Variants in BORCS8 observed in about 807,000 individuals in gnomAD.
BORCS8 encodes the protein BLOC-1 related complex subunit 8.
Under a neutral mutation model 18.7 loss-of-function variants are expected in BORCS8, and 13 were observed. The observed-to-expected ratio is 0.70, with a 90% CI of 0.45 to 1.11. The LOEUF (loss-of-function observed/expected upper bound fraction) is 1.11. Among genes scored for constraint, BORCS8 ranks in the 50% least tolerant of loss-of-function variants. The pLI is 0.00. For synonymous variants in BORCS8, 68 were observed against 64.8 expected, an observed-to-expected ratio of 1.05 and a Z score of -0.24; for missense variants, 165 against 165.7, an observed-to-expected ratio of 1.00 and a Z score of 0.02.
At chr19:19,179,710 C>T (rs995298756) in intron 5 of BORCS8, 2 of 152,754 alleles carry the variant, frequency 1.3e-5, no homozygotes, top group Non-Finnish European at 2.9e-5. Flanking sequence ...CAGATCTTTC[C>T]TGGCACCACA....
chr19:19,192,147 G>T lies in BORCS8; in HGVS notation c.-30C>A, dbSNP rs371371937. ...ACCGCGGCCGAGCGAACCGGGAAAC[G>T]GCACCGGAAGCCCGGAGGTTGGGAC... is the stretch of plus-strand genomic sequence containing the variant. On this transcript the variant is annotated 5_prime_UTR_variant, in exon 1 of 6. Coordinates refer to ENST00000462790, the MANE Select transcript of BORCS8 (RefSeq NM_001145784.2). 1.3e-5 allele frequency: 20 copies of T among 1,550,752 alleles called. No individual in the cohort carries two copies. The South Asian group carries it at 2.1e-4, about 17-fold the overall frequency.
intron 3 of BORCS8, 110 bp downstream of exon 3, chr19:19,185,924 T>C (rs2060403491): frequency 8.9e-7 from 1 of 1,118,024 alleles, no homozygotes; most frequent in African/African-American, 1.5e-5. Context: ...CCCACTCGGG[T>C]AGGCCTGGCA....
At chr19:19,189,653 C>T (rs1303725618) in intron 1 of BORCS8, among the ~76,000 whole-genome samples, 2 of 152,142 alleles carry the variant, frequency 1.3e-5, no homozygotes, top group African/African-American at 4.8e-5. Context: ...ACGCCGGGTG[C>T]GGTGGCTCAC....
chr19:19,181,873 G>A (rs1436565330), intron 4 of BORCS8: 2 of 985,468 alleles, frequency 2.0e-6, no homozygotes, highest in East Asian at 2.3e-4. Context: ...CCTGGCACAT[G>A]AGTGTGTGTT....
intron 2 of BORCS8, among the ~76,000 whole-genome samples, chr19:19,186,361 A>G (rs2060408821): frequency 6.6e-6 from 1 of 152,210 alleles, no homozygotes; most frequent in African/African-American, 2.4e-5. Flanking sequence ...CATGCAGGTC[A>G]TAACTGTAAC....
intron 1 of BORCS8, among the ~76,000 whole-genome samples, chr19:19,191,122 G>A (rs1003881471): frequency 2.6e-5 from 4 of 152,062 alleles, no homozygotes; most frequent in Non-Finnish European, 5.9e-5. Flanking sequence ...GGAGGCCAAG[G>A]TGGGTGGATC....
chr19:19,189,687 A>T (rs536145857), intron 1 of BORCS8, among the ~76,000 whole-genome samples: 6 of 152,262 alleles, frequency 3.9e-5, no homozygotes, highest in African/African-American at 1.2e-4. Flanking sequence ...GCACTTTGGC[A>T]GGAGGATGGA....
intron 3 of BORCS8, among the ~76,000 whole-genome samples, chr19:19,185,679 C>G (rs1208454212): frequency 3.9e-5 from 6 of 152,192 alleles, no homozygotes; most frequent in African/African-American, 7.2e-5. Flanking sequence ...GAGTAAGATT[C>G]TGTCTCAAAA....
chr19:19,180,669 C>A lies in BORCS8; in HGVS notation c.*42+17G>T, dbSNP rs999398082. On this transcript the variant is annotated intron_variant, in intron 5 of 5. Coordinates refer to ENST00000462790, the MANE Select transcript of BORCS8 (RefSeq NM_001145784.2). ...TCAGAGCAGAGAGAGAGGCTCGTGG[C>A]TACCCTCGGCACTGACCTGGGTTGG... is the stretch of plus-strand genomic sequence containing the variant. 7 of 1,509,172 alleles carry A rather than the reference C, an allele frequency of 4.6e-6. No individual in the cohort carries two copies. Among genetic ancestry groups the A allele is most frequent in the South Asian group, 1.2e-5 (1 of 83,220 alleles). 93.5% of individuals were successfully genotyped at this position (1,509,172 alleles called of 1,614,324 possible).
rs181695674 is a variant in BORCS8 at position 19,185,329 on chromosome 19, A to G, written c.215+705T>C. Among the ~76,000 whole-genome samples, 216 of 152,338 alleles carry G rather than the reference A, an allele frequency of 1.4e-3. 1 individual carries two copies. The highest frequency in any genetic ancestry group is 5.1e-3 in the African/African-American group (210 of 41,584). ...CTGGGCAACCCGAGGCAACCGGAAT[A>G]AGGCTTGGGAATACAGTCACGAGGA... On this transcript the variant is annotated intron_variant, in intron 3 of 5. Transcript: ENST00000462790.
intron 1 of BORCS8, among the ~76,000 whole-genome samples, chr19:19,189,454 A>G (rs1719177273): frequency 6.6e-6 from 1 of 152,124 alleles, no homozygotes; most frequent in African/African-American, 2.4e-5. Flanking sequence ...AAACTCTTCC[A>G]TAGCTCCCAC....
At chr19:19,179,628 G>A (rs10854010) in intron 5 of BORCS8, 21,952 of 152,582 alleles carry the variant, frequency 0.14, 1,777 homozygotes, top group East Asian at 0.37. Flanking sequence ...AATAGGCAGG[G>A]GCTCGGTAAG....
In BORCS8 at chr19:19,182,159, C is replaced by A; in HGVS notation, c.326+414G>T. On this transcript the variant is annotated intron_variant, in intron 4 of 5. Coordinates refer to ENST00000462790, the MANE Select transcript of BORCS8 (RefSeq NM_001145784.2). This position sits in a 1 kb window ranked among gnomAD's most constrained non-coding sequence, Gnocchi z 4.1. ...GGATCCCAGCCCCAGAGCGTCTGCC[C>A]TCACCACTGCCCCACATGGAACTCC... The A allele has an allele frequency of 1.8e-6, 1 of 555,072 alleles. No individual in the cohort carries two copies. Among genetic ancestry groups the A allele is most frequent in the Non-Finnish European group, 2.3e-6 (1 of 434,196 alleles). The allele number at this position is 555,072 out of a possible 1,614,324, so 34.4% of individuals were successfully genotyped here. A position where few individuals can be genotyped will look rare whatever the true frequency, so the allele number is the denominator to read the frequency against.
intron 1 of BORCS8, among the ~76,000 whole-genome samples, chr19:19,189,902 G>A (rs1287840586): frequency 6.6e-6 from 1 of 150,452 alleles, no homozygotes; most frequent in African/African-American, 2.5e-5. Flanking sequence ...GGGCAAAAGA[G>A]TGAGACTCTG....
At chr19:19,188,317 C>T (rs772082475) in intron 1 of BORCS8, among the ~76,000 whole-genome samples, 29 of 152,108 alleles carry the variant, frequency 1.9e-4, no homozygotes, top group East Asian at 1.4e-3. Flanking sequence ...CATGAGCCAC[C>T]GCGCCCGGCT....
chr19:19,176,981 C>G lies in BORCS8; in HGVS notation c.*522G>C, dbSNP rs1399298495. 3 of 151,254 alleles carry G rather than the reference C, an allele frequency of 2.0e-5. No individual in the cohort carries two copies. Among genetic ancestry groups the G allele is most frequent in the Non-Finnish European group, 4.4e-5 (3 of 67,800 alleles). 9.4% of individuals were successfully genotyped at this position (151,254 alleles called of 1,614,324 possible). On this transcript the variant is annotated 3_prime_UTR_variant, in exon 6 of 6. Coordinates refer to ENST00000462790, the MANE Select transcript of BORCS8 (RefSeq NM_001145784.2). ...TGGCTAGTGTCAGGTACAGTTGGAT[C>G]CAGGGCTCCACACAATGTTCTCAGG... is the stretch of plus-strand genomic sequence containing the variant.
chr19:19,190,213 G>T (rs758693431), intron 1 of BORCS8, among the ~76,000 whole-genome samples: 2 of 152,196 alleles, frequency 1.3e-5, no homozygotes, highest in Non-Finnish European at 2.9e-5. Context: ...ATGTTCACAG[G>T]AAAAGTTAAA....
chr19:19,183,063 C>T (rs1338329554), intron 3 of BORCS8, among the ~76,000 whole-genome samples: 1 of 152,132 alleles, frequency 6.6e-6, no homozygotes, highest in African/African-American at 2.4e-5. Context: ...ATGGCTTGAG[C>T]CCAGGAGGTT....
chr19:19,182,468 A>C lies in BORCS8; in HGVS notation c.326+105T>G, dbSNP rs1479134645. 6.8e-7 allele frequency: 1 copy of C among 1,464,488 alleles called. No individual in the cohort carries two copies. The highest frequency in any genetic ancestry group is 9.0e-7 in the Non-Finnish European group (1 of 1,109,326). The allele number at this position is 1,464,488 out of a possible 1,614,324, so 90.7% of individuals were successfully genotyped here. ...GTCACCAGACACCAGGACAAAAGGA[A>C]AGAGACAGTTTTCTAATAAGCGAGA... is the stretch of plus-strand genomic sequence containing the variant. On this transcript the variant is annotated intron_variant, in intron 4 of 5. Coordinates refer to ENST00000462790, the MANE Select transcript of BORCS8 (RefSeq NM_001145784.2). The surrounding 1 kb of genome is among the most constrained non-coding windows in gnomAD (Gnocchi z 4.1).
Sources: gnomAD v4.1 joint callset for allele counts (sites outside exome capture counted in the v4.1 genomes callset) on GRCh38, gnomAD v4.1.1 for gene constraint, Gnocchi (gnomAD v3.1) non-coding constraint, MANE v1.5 for transcripts, NCBI Gene and HGNC (gene_info 2026-07-23, HGNC 2026-07-21) for gene names.